NUDT19: variants seen among roughly 807,000 people sequenced by gnomAD.
The protein encoded by NUDT19 is acyl-coenzyme A diphosphatase NUDT19.
NUDT19 carries 31 observed loss-of-function variants against 22.2 expected under a neutral mutation model. The ratio of observed to expected loss-of-function variants is 1.40; its 90% CI spans 1.05 to 1.89. NUDT19 has a LOEUF of 1.89. Ranked by LOEUF, NUDT19 falls within the 40% of genes most tolerant of loss-of-function variation. The probability of loss-of-function intolerance (pLI) is 0.00; values close to 1 mark genes in which losing one functional copy is unlikely to be tolerated. For missense variants in NUDT19, 752 were observed against 514.2 expected, an observed-to-expected ratio of 1.46 and a Z score of -4.47; for synonymous variants, 325 against 230.8, an observed-to-expected ratio of 1.41 and a Z score of -3.70.
chr19:32,692,824 C>T (rs1010907096), intron 1 of NUDT19, 150 bp downstream of exon 1: 7 of 557,696 alleles, frequency 1.3e-5, no homozygotes, highest in African/African-American at 1.0e-4. Context: ...GAAACTCTCA[C>T]CCCTGTAGAC....
intron 1 of NUDT19, among the ~76,000 whole-genome samples, chr19:32,705,460 C>G (rs1297499683): frequency 6.6e-6 from 1 of 151,902 alleles, no homozygotes; most frequent in East Asian, 1.9e-4. Context: ...GAGTATTGGA[C>G]ATTTCCTAGC....
intron 2 of NUDT19, among the ~76,000 whole-genome samples, chr19:32,709,668 T>TC (rs1212147445): frequency 6.6e-6 from 1 of 151,668 alleles, no homozygotes; most frequent in Non-Finnish European, 1.5e-5. Flanking sequence ...TTTTTTTTTT[T>TC]CTGAGACAGT....
intron 1 of NUDT19, among the ~76,000 whole-genome samples, chr19:32,699,259 G>A (rs1480499055): frequency 6.6e-6 from 1 of 152,144 alleles, no homozygotes. Context: ...AGTGGGACTA[G>A]CCTCAAAGAA....
At chr19:32,707,055 G>C (rs1199402660) in intron 1 of NUDT19, among the ~76,000 whole-genome samples, 1 of 152,228 alleles carries the variant, frequency 6.6e-6, no homozygotes, top group Non-Finnish European at 1.5e-5. Context: ...TGTGATTACA[G>C]GCGTGAGCCA....
chr19:32,711,720 TAA>T, intron 2 of NUDT19, 30 bp from the exon 3 acceptor site: 1 of 1,299,882 alleles, frequency 7.7e-7, no homozygotes, highest in Non-Finnish European at 1.1e-6. Context: ...ATTTTGTATT[TAA>T]AAATAAAATC....
chr19:32,712,271 T>G lies in NUDT19; in HGVS notation c.*314T>G, dbSNP rs886905809. On this transcript the variant is annotated 3_prime_UTR_variant, in exon 3 of 3. Transcript: ENST00000397061. ...TTTTTGTATTTTTAGTAGAGACGGGTTTTCACCGTGTTAGCCAGGATGGTC... is the reference window on the plus strand; with the variant it reads ...TTTTTGTATTTTTAGTAGAGACGGGGTTTCACCGTGTTAGCCAGGATGGTC... The G allele has an allele frequency of 9.7e-5, 22 of 227,550 alleles. No homozygotes were observed. Among genetic ancestry groups the G allele is most frequent in the South Asian group, 8.3e-4 (13 of 15,704 alleles). 14.1% of individuals were successfully genotyped at this position (227,550 alleles called of 1,614,324 possible).
intron 2 of NUDT19, among the ~76,000 whole-genome samples, chr19:32,710,317 T>A (rs1234222114): frequency 1.3e-5 from 2 of 151,402 alleles, no homozygotes; most frequent in African/African-American, 2.4e-5. Context: ...CCCAGCCAAC[T>A]TTGTTTTTTT....
intron 1 of NUDT19, among the ~76,000 whole-genome samples, chr19:32,704,790 A>G (rs1379129217): frequency 2.0e-5 from 3 of 151,852 alleles, no homozygotes; most frequent in African/African-American, 7.3e-5. Flanking sequence ...TGAGTGCTGA[A>G]TCTTGTCACA....
intron 1 of NUDT19, among the ~76,000 whole-genome samples, chr19:32,702,689 G>T (rs143589362): frequency 0.011 from 1,668 of 152,262 alleles, 39 homozygotes; most frequent in African/African-American, 0.038. Context: ...TTGCTTTTTA[G>T]TTGGAGTGTT....
In NUDT19 at chr19:32,692,292, A is replaced by G. The variant is rs1286167482; in HGVS notation, c.332A>G (p.Lys111Arg). The G allele has an allele frequency of 1.3e-6, 2 of 1,593,588 alleles. No homozygotes were observed. Among genetic ancestry groups the G allele is most frequent in the African/African-American group, 1.4e-5 (1 of 73,984 alleles). ...TCGCTGCCCGACACCGATGACCACAAGACCGACAACACTGGGACGCTGCCT... is the reference window on the plus strand; with the variant it reads ...TCGCTGCCCGACACCGATGACCACAGGACCGACAACACTGGGACGCTGCCT... ...FPSLPDTDDH[K>R]TDNTGTLPED... Residue 111 changes from lysine to arginine, a missense_variant, in exon 1 of 3, where the codon AAG becomes AGG. Physicochemically the swap from Lys to Arg is conservative, Grantham distance 26 (BLOSUM62 2). Transcript: ENST00000397061.
At chr19:32,695,658 C>G (rs1049897057) in intron 1 of NUDT19, among the ~76,000 whole-genome samples, 1 of 152,188 alleles carries the variant, frequency 6.6e-6, no homozygotes, top group Non-Finnish European at 1.5e-5. Context: ...TTCTCCTTCC[C>G]CTTTTTGATG....
intron 1 of NUDT19, among the ~76,000 whole-genome samples, chr19:32,699,638 G>A (rs1018834231): frequency 5.3e-5 from 8 of 152,160 alleles, no homozygotes; most frequent in Non-Finnish European, 8.8e-5. Flanking sequence ...AAATTCTAAG[G>A]AAAAATAGGA....
intron 1 of NUDT19, among the ~76,000 whole-genome samples, chr19:32,699,107 G>A (rs1008545750): frequency 1.3e-5 from 2 of 152,296 alleles, no homozygotes; most frequent in East Asian, 1.9e-4. Context: ...TCCCCCCTAC[G>A]ATGGGGCTTT....
chr19:32,691,865 C>G lies in NUDT19; in HGVS notation c.-96C>G. Reference sequence around the variant, plus strand: ...ACGCCAGAGGCTCGTCCTCAATTCCCGCGAGGCCCCCGGAGGTGCTGGGGT... The same window carrying G: ...ACGCCAGAGGCTCGTCCTCAATTCCGGCGAGGCCCCCGGAGGTGCTGGGGT... On this transcript the variant is annotated 5_prime_UTR_variant, in exon 1 of 3. Transcript: ENST00000397061. The G allele has an allele frequency of 1.5e-6, 1 of 653,582 alleles. No homozygotes were observed. The highest frequency in any genetic ancestry group is 2.1e-6 in the Non-Finnish European group (1 of 473,660). 40.5% of individuals were successfully genotyped at this position (653,582 alleles called of 1,614,324 possible).
At chr19:32,709,111 A>G in intron 1 of NUDT19, 74 bp from the exon 2 acceptor site, 2 of 944,600 alleles carry the variant, frequency 2.1e-6, no homozygotes, top group South Asian at 1.3e-5. Flanking sequence ...TACCTTAGGT[A>G]CTGGTCTGAC....
intron 1 of NUDT19, among the ~76,000 whole-genome samples, chr19:32,696,670 T>A (rs937008133): frequency 7.2e-5 from 11 of 152,188 alleles, no homozygotes; most frequent in Non-Finnish European, 1.3e-4. Context: ...CTTTCAGGCA[T>A]AACAAGAAAG....
At chr19:32,703,649 T>C (rs1387553063) in intron 1 of NUDT19, among the ~76,000 whole-genome samples, 1 of 18,738 alleles carries the variant, frequency 5.3e-5, no homozygotes, top group East Asian at 5.7e-3. Flanking sequence ...GTGCCCAGCC[T>C]TTTTTTTTTT....
At chr19:32,692,705 C>G (rs745789366) in intron 1 of NUDT19, 31 bp downstream of exon 1, 1 of 1,419,048 alleles carries the variant, frequency 7.0e-7, no homozygotes, top group East Asian at 2.7e-5. Flanking sequence ...TGCTGCGGAC[C>G]GCCAGGACGT....
At chr19:32,702,599 C>T (rs1260612035) in intron 1 of NUDT19, among the ~76,000 whole-genome samples, 1 of 152,072 alleles carries the variant, frequency 6.6e-6, no homozygotes, top group Non-Finnish European at 1.5e-5. Context: ...CAGAGCGAGA[C>T]TCCATCTCCA....
Sources: gnomAD v4.1 joint callset for allele counts (sites outside exome capture counted in the v4.1 genomes callset) on GRCh38, gnomAD v4.1.1 for gene constraint, MANE v1.5 for transcripts, NCBI Gene and HGNC (gene_info 2026-07-23, HGNC 2026-07-21) for gene names.